FARP1: variants seen among roughly 807,000 people sequenced by gnomAD.
FARP1 encodes the protein FERM, ARHGEF and pleckstrin domain-containing protein 1.
FARP1 carries 52 observed loss-of-function variants against 128.8 expected under a neutral mutation model. The observed-to-expected ratio is 0.40, with a 90% CI of 0.32 to 0.51. The LOEUF (loss-of-function observed/expected upper bound fraction) is 0.51, where lower values mean the gene tolerates loss of function less well. Ranked by LOEUF, FARP1 falls within the 20% of genes least tolerant of loss-of-function variation. The pLI, the probability that FARP1 is intolerant of heterozygous loss-of-function variation, is 0.45. For synonymous variants in FARP1, 580 were observed against 551.8 expected (o/e 1.05, Z -0.72); for missense variants, 1,333 against 1,367.9 (o/e 0.97, Z 0.40).
rs146078325 is a variant in FARP1 at position 98,296,458 on chromosome 13, G to A, written c.172-47304G>A. 5.1e-3 allele frequency among the ~76,000 whole-genome samples: 782 copies of A among 152,012 alleles called. 4 individuals are homozygous for A. The highest frequency in any genetic ancestry group is 0.017 in the Middle Eastern group (5 of 294). ...TCCCCTTGTAGAAACCCCCGTTCTC[G>A]CCAGAGTGGACATGGGCATCCTTCT... is the stretch of plus-strand genomic sequence containing the variant. On this transcript the variant is annotated intron_variant, in intron 2 of 26. Coordinates refer to ENST00000319562, the MANE Select transcript of FARP1 (RefSeq NM_005766.4).
intron 2 of FARP1, among the ~76,000 whole-genome samples, chr13:98,336,225 T>C (rs2081579646): frequency 6.6e-6 from 1 of 152,010 alleles, no homozygotes. Flanking sequence ...GACATAGAAA[T>C]GTTGTTTCTG....
chr13:98,233,502 A>G (rs1357668664), intron 2 of FARP1: 1 of 152,154 alleles, frequency 6.6e-6, no homozygotes, highest in Non-Finnish European at 1.5e-5. Context: ...CACTCATTAG[A>G]TAGACAAGCC....
intron 11 of FARP1, among the ~76,000 whole-genome samples, chr13:98,393,102 A>G (rs887956055): frequency 2.0e-5 from 3 of 152,194 alleles, no homozygotes; most frequent in Non-Finnish European, 4.4e-5. Flanking sequence ...GAGGGAAGAG[A>G]TGAAAGAGAC....
chr13:98,291,681 C>T (rs928646191), intron 2 of FARP1, among the ~76,000 whole-genome samples: 1 of 152,158 alleles, frequency 6.6e-6, no homozygotes, highest in Non-Finnish European at 1.5e-5. Context: ...TCCTTGTACT[C>T]CCAACAAGCT....
chr13:98,263,150 A>G (rs1883957754), intron 2 of FARP1, among the ~76,000 whole-genome samples: 2 of 152,030 alleles, frequency 1.3e-5, no homozygotes, highest in Non-Finnish European at 2.9e-5. Flanking sequence ...CTGGGATTAC[A>G]TGCTGTGCCA....
chr13:98,396,439 T>TTGAGTGAGGAACAGGAGGAGGA (rs6145192), intron 13 of FARP1: 2 of 398,262 alleles, frequency 5.0e-6, no homozygotes, highest in Admixed American at 8.8e-5. Context: ...TGGCCTGCGT[T>TTGAGTGAGGAACAGGAGGAGGA]TGAGTGAGGA....
At chr13:98,332,165 A>C (rs1203927604) in intron 2 of FARP1, among the ~76,000 whole-genome samples, 1 of 152,006 alleles carries the variant, frequency 6.6e-6, no homozygotes, top group East Asian at 1.9e-4. Context: ...AGCCATCCCC[A>C]TGTCTCCAGA....
At chr13:98,244,142 A>G (rs1194796311) in intron 2 of FARP1, among the ~76,000 whole-genome samples, 1 of 152,206 alleles carries the variant, frequency 6.6e-6, no homozygotes, top group Non-Finnish European at 1.5e-5. Flanking sequence ...AGAGTTTTGC[A>G]TAATTTTAAA....
intron 5 of FARP1, among the ~76,000 whole-genome samples, chr13:98,377,557 T>C (rs1889646610): frequency 6.6e-6 from 1 of 152,184 alleles, no homozygotes; most frequent in Non-Finnish European, 1.5e-5. Context: ...CATGCTAGGT[T>C]ATGGTCTCAC....
At chr13:98,311,279 A>G (rs11840970) in intron 2 of FARP1, among the ~76,000 whole-genome samples, 4,169 of 152,260 alleles carry the variant, frequency 0.027, 188 homozygotes, top group African/African-American at 0.096. Context: ...TACTATGTCA[A>G]AGTCCCATGG....
chr13:98,144,556 G>C (rs1311740365), intron 1 of FARP1, among the ~76,000 whole-genome samples: 1 of 152,120 alleles, frequency 6.6e-6, no homozygotes, highest in Admixed American at 6.6e-5. Context: ...TGGTCTCTGC[G>C]TGGAAACCCC....
rs1566934612 is a variant in FARP1 at position 98,379,010 on chromosome 13, A to ATG, written c.496+1093_496+1094insGT. On this transcript the variant is annotated intron_variant, in intron 6 of 26. Transcript: ENST00000319562. ...AATATATATATAATATATACAATAT[A>ATG]TAATCTATATATAATATATATAATA... is the stretch of plus-strand genomic sequence containing the variant. Among the ~76,000 whole-genome samples, 11 of 89,216 alleles carry ATG rather than the reference A, an allele frequency of 1.2e-4. 2 individuals carry two copies. Among genetic ancestry groups the ATG allele is most frequent in the African/African-American group, 8.0e-4 (11 of 13,786 alleles). 58.5% of individuals were successfully genotyped at this position (89,216 alleles called of 152,430 possible).
intron 1 of FARP1, among the ~76,000 whole-genome samples, chr13:98,155,801 G>A (rs1254988980): frequency 1.3e-5 from 2 of 152,206 alleles, no homozygotes; most frequent in Non-Finnish European, 2.9e-5. Context: ...TTATGGGGGT[G>A]AGCCACTGCG....
chr13:98,271,401 T>A (rs181640534), intron 2 of FARP1, among the ~76,000 whole-genome samples: 49 of 152,334 alleles, frequency 3.2e-4, no homozygotes, highest in African/African-American at 1.2e-3. Context: ...ATATATATAT[T>A]TTTAAATTTT....
rs755510124 is a variant in FARP1, at chr13:98,448,266, C to T, written c.3087C>T (p.Ser1029=). The change falls in exon 27 of 27, where the codon AGC becomes AGT. Residue 1029 remains serine (S), a synonymous_variant. Coordinates refer to ENST00000319562, the MANE Select transcript of FARP1 (RefSeq NM_005766.4). Reference sequence around the variant, plus strand: ...TGGAAGTGATCCGCAGTGCCACCAGCTCTGCCTCGCGACCCCACGTGTTGA... The same window carrying T: ...TGGAAGTGATCCGCAGTGCCACCAGTTCTGCCTCGCGACCCCACGTGTTGA... The part of the protein sequence containing the change: ...RWMEVIRSAT[S]SASRPHVLSH... 2.5e-6 allele frequency: 4 copies of T among 1,614,130 alleles called. No homozygotes were observed. Among genetic ancestry groups the T allele is most frequent in the Non-Finnish European group, 3.4e-6 (4 of 1,179,954 alleles).
intron 1 of FARP1, among the ~76,000 whole-genome samples, chr13:98,183,249 C>T (rs1250330006): frequency 2.0e-5 from 3 of 152,114 alleles, no homozygotes; most frequent in African/African-American, 7.2e-5. Context: ...CTATGTTTTA[C>T]TGTAGTTGTG....
Position 98,452,828 on chromosome 13 carries a change from T to C in FARP1, c.*4511T>C, listed in dbSNP as rs1893260874. On this transcript the variant is annotated 3_prime_UTR_variant, in exon 27 of 27. Transcript: ENST00000319562. ...CAGGATACCTGAGGTTTCATGTCTT[T>C]AGTTGCCTTATCATAATCCCAAATA... 1 of 218,576 alleles carries C rather than the reference T, an allele frequency of 4.6e-6. No individual in the cohort carries two copies. Among genetic ancestry groups the C allele is most frequent in the South Asian group, 1.2e-4 (1 of 8,414 alleles). 13.5% of individuals were successfully genotyped at this position (218,576 alleles called of 1,614,324 possible). A position where few individuals can be genotyped will look rare whatever the true frequency, so the allele number is the denominator to read the frequency against.
intron 3 of FARP1, among the ~76,000 whole-genome samples, chr13:98,346,384 T>G (rs1161926625): frequency 6.7e-6 from 1 of 149,858 alleles, no homozygotes; most frequent in African/African-American, 2.4e-5. Context: ...GAGATGGGGT[T>G]TCACCATGTT....
rs552933944 is a variant in FARP1, at chr13:98,247,203, C to G, written c.171+33790C>G. On this transcript the variant is annotated intron_variant, in intron 2 of 26. Transcript: ENST00000319562. ...GTTGCAGTGAGCTGAGATCGCACCA[C>G]TGCACTCCAGACTGGGTGGCGGTGA... 3.2e-3 allele frequency among the ~76,000 whole-genome samples: 493 copies of G among 152,338 alleles called. 3 individuals carry two copies. The highest frequency in any genetic ancestry group is 5.3e-3 in the Non-Finnish European group (358 of 68,030).
Sources: allele counts gnomAD v4.1 joint callset (sites outside exome capture counted in the v4.1 genomes callset), GRCh38; gene constraint gnomAD v4.1.1; transcripts MANE v1.5; gene names NCBI Gene and HGNC (gene_info 2026-07-23, HGNC 2026-07-21).